The following TIPARP variants were observed in gnomAD, a reference collection of about 807,000 sequenced individuals.
TIPARP encodes the protein TCDD inducible poly(ADP-ribose) polymerase, also known as protein mono-ADP-ribosyltransferase TIPARP.
TIPARP carries 12 observed loss-of-function variants against 56.5 expected under a neutral mutation model. The ratio of observed to expected loss-of-function variants is 0.21; its 90% CI spans 0.14 to 0.34. The LOEUF is 0.34. Among genes scored for constraint, TIPARP ranks in the 10% least tolerant of loss-of-function variants. TIPARP has a pLI of 1.00. For missense variants in TIPARP, 604 were observed against 781.6 expected (o/e 0.77, Z 2.71); for synonymous variants, 296 against 265.7 (o/e 1.11, Z -1.11).
Position 156,678,217 on chromosome 3 carries a change from A to G in TIPARP, c.520A>G (p.Ser174Gly). The change falls in exon 2 of 6, where the codon AGT (serine) becomes GGT (glycine). Residue 174 changes from serine (S) to glycine (G), a missense_variant. Ser to Gly is a moderately conservative substitution (Grantham distance 56, BLOSUM62 0). This residue lies in a region of TIPARP where 261 missense variants were observed against 279.2 expected (regional missense o/e 0.93). Transcript: ENST00000295924. ...CCCAGTTTCAAGTGATGTTCCTACT[A>G]GTCCTGACTGCTTAGACAAAGTCAT... is the stretch of plus-strand genomic sequence containing the variant. ...LHPVSSDVPT[S>G]PDCLDKVIDY... 1 of 1,614,172 alleles carries G rather than the reference A, an allele frequency of 6.2e-7. No homozygotes were observed. Among genetic ancestry groups the G allele is most frequent in the Non-Finnish European group, 8.5e-7 (1 of 1,180,042 alleles).
rs1722704727 is a variant in TIPARP at position 156,695,924 on chromosome 3, G to T, written c.1146G>T (p.Met382Ile). 1 of 1,569,250 alleles carries T rather than the reference G, an allele frequency of 6.4e-7. No homozygotes were observed. Among genetic ancestry groups the T allele is most frequent in the Non-Finnish European group, 8.6e-7 (1 of 1,157,808 alleles). Residue 382 changes from methionine to isoleucine, a missense_variant, in exon 4 of 6, where the codon ATG (methionine) becomes ATT (isoleucine). Physicochemically the swap from Met to Ile is conservative, Grantham distance 10 (BLOSUM62 1). Around this residue, in one of 4 missense-constraint regions of TIPARP, gnomAD observed 252 missense variants for 303.9 expected, o/e 0.83. Coordinates refer to ENST00000295924, the MANE Select transcript of TIPARP (RefSeq NM_015508.5). ...GGGGTCTGAAAGAGGTTCGATTTATGATGTGGAATAACCACTACATCCTCC... is the reference window on the plus strand; with the variant it reads ...GGGGTCTGAAAGAGGTTCGATTTATTATGTGGAATAACCACTACATCCTCC... ...NSRGLKEVRF[M>I]MWNNHYILHN...
At chr3:156,677,443 C>T (rs1223948186) in intron 1 of TIPARP, among the ~76,000 whole-genome samples, 1 of 152,230 alleles carries the variant, frequency 6.6e-6, no homozygotes, top group Non-Finnish European at 1.5e-5. Context: ...AAAGACTCTT[C>T]TACTTTTACC....
At chr3:156,683,296 T>A (rs1722349977) in intron 2 of TIPARP, among the ~76,000 whole-genome samples, 1 of 152,104 alleles carries the variant, frequency 6.6e-6, no homozygotes, top group African/African-American at 2.4e-5. Context: ...CTTTTTATTG[T>A]AAGTAAGAAA....
intron 4 of TIPARP, among the ~76,000 whole-genome samples, chr3:156,699,394 A>C (rs1437172444): frequency 6.6e-6 from 1 of 152,236 alleles, no homozygotes; most frequent in Non-Finnish European, 1.5e-5. Flanking sequence ...CTCAACCTTC[A>C]GCAATCACCA....
intron 2 of TIPARP, among the ~76,000 whole-genome samples, chr3:156,679,427 A>G (rs991589660): frequency 6.6e-6 from 1 of 152,240 alleles, no homozygotes; most frequent in African/African-American, 2.4e-5. Context: ...GAAGAAAATG[A>G]TAGTTGCCTC....
chr3:156,705,275 CT>C lies in TIPARP; in HGVS notation c.*151del. On this transcript the variant is annotated 3_prime_UTR_variant, in exon 6 of 6. Transcript: ENST00000295924. ...CCATTTTTTAAAGTGCTAGAAAATG[CT>C]TTTTTTAAAAAAAAAATACAAGTTT... is the stretch of plus-strand genomic sequence containing the variant. The C allele has an allele frequency of 1.9e-6, 1 of 540,004 alleles. No individual in the cohort carries two copies. The highest frequency in any genetic ancestry group is 3.2e-6 in the Non-Finnish European group (1 of 315,948). The allele number at this position is 540,004 out of a possible 1,614,324, so 33.5% of individuals were successfully genotyped here.
At chr3:156,680,680 G>T (rs1240179406) in intron 2 of TIPARP, among the ~76,000 whole-genome samples, 2 of 152,162 alleles carry the variant, frequency 1.3e-5, no homozygotes, top group African/African-American at 4.8e-5. Context: ...GAAAATCCAG[G>T]AATTCTTAGG....
chr3:156,696,112 T>C, intron 4 of TIPARP, 87 bp downstream of exon 4: 1 of 1,457,584 alleles, frequency 6.9e-7, no homozygotes, highest in Non-Finnish European at 9.2e-7. Flanking sequence ...TAAATAAGAG[T>C]CTACCTTGGT....
intron 1 of TIPARP, 162 bp downstream of exon 1, chr3:156,674,958 C>T (rs1280006631): frequency 6.6e-6 from 1 of 152,404 alleles, no homozygotes; most frequent in African/African-American, 2.4e-5. Flanking sequence ...GTACCGAATT[C>T]ACTCGGGTCC....
intron 1 of TIPARP, chr3:156,675,033 C>T (rs1722078554): frequency 6.6e-6 from 1 of 152,298 alleles, no homozygotes; most frequent in South Asian, 2.1e-4. Context: ...CAGGTGTATA[C>T]ATCAGACCGA....
chr3:156,683,419 C>A (rs537503370), intron 2 of TIPARP, among the ~76,000 whole-genome samples: 1 of 152,056 alleles, frequency 6.6e-6, no homozygotes, highest in Admixed American at 6.6e-5. Flanking sequence ...ATCTGAAATC[C>A]GAAATGCTCC....
chr3:156,700,882 A>G (rs780732361), intron 4 of TIPARP, among the ~76,000 whole-genome samples: 11 of 152,368 alleles, frequency 7.2e-5, no homozygotes, highest in Non-Finnish European at 1.5e-4. Flanking sequence ...TAGAAGCTCA[A>G]TTCCCTTTGA....
At chr3:156,681,354 G>A (rs1463272402) in intron 2 of TIPARP, among the ~76,000 whole-genome samples, 2 of 152,168 alleles carry the variant, frequency 1.3e-5, no homozygotes, top group Non-Finnish European at 2.9e-5. Context: ...ATAATGAATG[G>A]CAGTTGTTTA....
At chr3:156,682,208 T>TGG (rs1722326242) in intron 2 of TIPARP, among the ~76,000 whole-genome samples, 1 of 152,236 alleles carries the variant, frequency 6.6e-6, no homozygotes, top group African/African-American at 2.4e-5. Context: ...GGAGGCTACC[T>TGG]GCAGGTGCAC....
At chr3:156,686,784 G>C (rs1246623212) in intron 2 of TIPARP, among the ~76,000 whole-genome samples, 2 of 152,086 alleles carry the variant, frequency 1.3e-5, no homozygotes, top group Non-Finnish European at 2.9e-5. Flanking sequence ...GTAGTTATGT[G>C]TAAATGAGTG....
At chr3:156,699,681 T>G (rs955695615) in intron 4 of TIPARP, among the ~76,000 whole-genome samples, 1 of 152,238 alleles carries the variant, frequency 6.6e-6, no homozygotes, top group Non-Finnish European at 1.5e-5. Context: ...AATAGAATGC[T>G]CAATATCTAC....
At chr3:156,691,923 T>A (rs1254234376) in intron 2 of TIPARP, among the ~76,000 whole-genome samples, 7 of 152,160 alleles carry the variant, frequency 4.6e-5, no homozygotes, top group Non-Finnish European at 8.8e-5. Flanking sequence ...GCACAGAGAA[T>A]GTAGCAAAAG....
Position 156,704,959 on chromosome 3 carries a change from A to G in TIPARP, c.1802A>G (p.His601Arg). 1.9e-6 allele frequency: 3 copies of G among 1,614,226 alleles called. No homozygotes were observed. Among genetic ancestry groups the G allele is most frequent in the Non-Finnish European group, 2.5e-6 (3 of 1,180,032 alleles). The change falls in exon 6 of 6, where the codon CAT (histidine) becomes CGT (arginine). Residue 601 changes from histidine (H) to arginine (R), a missense_variant. His to Arg is a conservative substitution (Grantham distance 29, BLOSUM62 0). Transcript: ENST00000295924. ...VLTGRYTMGS[H>R]GMRRPPPVNP... ...ACGGGCAGATACACAATGGGCAGTC[A>G]TGGCATGAGAAGGCCCCCGCCAGTC...
At chr3:156,679,266 A>G (rs1314830287) in intron 2 of TIPARP, among the ~76,000 whole-genome samples, 2 of 152,158 alleles carry the variant, frequency 1.3e-5, no homozygotes, top group Non-Finnish European at 2.9e-5. Context: ...ATGGTAAGGT[A>G]TGTTTAATAC....
Sources: allele counts gnomAD v4.1 joint callset (sites outside exome capture counted in the v4.1 genomes callset), GRCh38; gene constraint gnomAD v4.1.1; regional missense constraint gnomAD v4.1.1; transcripts MANE v1.5; gene names NCBI Gene and HGNC (gene_info 2026-07-23, HGNC 2026-07-21).